The following GREB1 variants were observed in gnomAD, a reference collection of about 807,000 sequenced individuals.
GREB1 encodes the protein protein GREB1.
GREB1 carries 106 observed loss-of-function variants against 200.7 expected under a neutral mutation model. The ratio of observed to expected loss-of-function variants is 0.53; its 90% confidence interval spans 0.45 to 0.62. The LOEUF is 0.62. Ranked by LOEUF, GREB1 falls within the 20% of genes least tolerant of loss-of-function variation. The pLI is 0.00. For synonymous variants in GREB1, 1,132 were observed against 1,092.4 expected (o/e 1.04, Z -0.72); for missense variants, 2,243 against 2,556.8 (o/e 0.88, Z 2.65).
intron 1 of GREB1, among the ~76,000 whole-genome samples, chr2:11,555,973 G>C (rs533274341): frequency 6.6e-6 from 1 of 152,250 alleles, no homozygotes; most frequent in South Asian, 2.1e-4. Flanking sequence ...AAATGTCAGT[G>C]ATTTTCCTCG....
intron 1 of GREB1, among the ~76,000 whole-genome samples, chr2:11,506,345 G>A (rs191738219): frequency 6.6e-6 from 1 of 152,304 alleles, no homozygotes; most frequent in East Asian, 1.9e-4. Flanking sequence ...TGGGCTTGTG[G>A]CCATAGCCTG....
intron 23 of GREB1, 142 bp from the exon 24 acceptor site, chr2:11,625,012 T>C (rs1684325749): frequency 1.4e-6 from 1 of 694,960 alleles, no homozygotes; most frequent in African/African-American, 1.8e-5. Flanking sequence ...TGTGTGTAAG[T>C]GCACTCTAGG....
At chr2:11,594,414 G>A (rs1330438096) in intron 11 of GREB1, among the ~76,000 whole-genome samples, 1 of 150,746 alleles carries the variant, frequency 6.6e-6, no homozygotes, top group Admixed American at 6.6e-5. Context: ...GAATGCAGTG[G>A]TGCAGTCTCA....
intron 4 of GREB1, among the ~76,000 whole-genome samples, chr2:11,571,223 G>C (rs556346593): frequency 6.6e-6 from 1 of 152,212 alleles, no homozygotes; most frequent in East Asian, 1.9e-4. Context: ...GGCACGGGGA[G>C]GGTGGTCATT....
At chr2:11,617,197 G>A (rs1442794795) in intron 21 of GREB1, among the ~76,000 whole-genome samples, 1 of 152,220 alleles carries the variant, frequency 6.6e-6, no homozygotes, top group Non-Finnish European at 1.5e-5. Flanking sequence ...CAGCGGGTGG[G>A]CAGTGCCAAC....
At chr2:11,498,862 G>A (rs1672956056) in intron 1 of GREB1, among the ~76,000 whole-genome samples, 2 of 152,208 alleles carry the variant, frequency 1.3e-5, no homozygotes, top group Admixed American at 1.3e-4. Context: ...CAGCCCCTGT[G>A]ACATCTCTCC....
intron 1 of GREB1, among the ~76,000 whole-genome samples, chr2:11,539,007 CCTTCTCCTCCCT>C: frequency 1.0e-5 from 1 of 96,786 alleles, no homozygotes; most frequent in Non-Finnish European, 2.0e-5. Context: ...CTCCTTTCTC[CCTTCTCCTCCCT>C]TCTCTTCTCT....
At chr2:11,551,763 G>T (rs9784026) in intron 1 of GREB1, among the ~76,000 whole-genome samples, 11,526 of 152,148 alleles carry the variant, frequency 0.076, 441 homozygotes, top group Middle Eastern at 0.099. Context: ...TTCGATTCCC[G>T]GTCATGGAAC....
At chr2:11,639,232 G>A (rs1038146606) in intron 32 of GREB1, among the ~76,000 whole-genome samples, 2 of 152,190 alleles carry the variant, frequency 1.3e-5, no homozygotes, top group African/African-American at 2.4e-5. Context: ...TGGGATTACA[G>A]GTGCCCGCCA....
chr2:11,601,834 A>C (rs1681812028), intron 16 of GREB1, among the ~76,000 whole-genome samples: 1 of 152,258 alleles, frequency 6.6e-6, no homozygotes, highest in Non-Finnish European at 1.5e-5. Flanking sequence ...CACTTGGCTC[A>C]GGCCAGGCAG....
chr2:11,638,865 T>G (rs1572239478), intron 32 of GREB1, 56 bp downstream of exon 32: 1 of 1,571,820 alleles, frequency 6.4e-7, no homozygotes, highest in Non-Finnish European at 8.7e-7. Context: ...AGTCACCGGG[T>G]ACCCTGAGGA....
intron 1 of GREB1, among the ~76,000 whole-genome samples, chr2:11,540,359 A>G (rs1289298817): frequency 1.3e-5 from 2 of 152,178 alleles, no homozygotes; most frequent in African/African-American, 4.8e-5. Context: ...ATGATAGGCT[A>G]AGGAGATTCA....
At position 11,607,636 on chromosome 2, in the gene GREB1, A is replaced by ACATATC. The variant is rs70955808; in HGVS notation, c.2667-3052_2667-3051insCATATC. Among the ~76,000 whole-genome samples the ACATATC allele has an allele frequency of 2.7e-5, 4 of 147,856 alleles. 1 individual carries two copies. The highest frequency in any genetic ancestry group is 4.2e-4 in the South Asian group (2 of 4,734). On this transcript the variant is annotated intron_variant, in intron 17 of 32. Coordinates refer to ENST00000381486, the MANE Select transcript of GREB1 (RefSeq NM_014668.4). Reference sequence around the variant, plus strand: ...CACATATATGCATATATATACATATATATATATTTATCTTAGAAAAGCACA... The same window carrying ACATATC: ...CACATATATGCATATATATACATATACATATCTATATATTTATCTTAGAAAAGCACA...
intron 15 of GREB1, among the ~76,000 whole-genome samples, chr2:11,600,535 A>G (rs1280041521): frequency 6.6e-6 from 1 of 152,188 alleles, no homozygotes; most frequent in Non-Finnish European, 1.5e-5. Flanking sequence ...TTGGGATAGA[A>G]GGAGTGTGTG....
At chr2:11,536,918 A>T (rs973730563) in intron 1 of GREB1, among the ~76,000 whole-genome samples, 1 of 144,426 alleles carries the variant, frequency 6.9e-6, no homozygotes, top group African/African-American at 2.8e-5. Context: ...AGCATGTTTT[A>T]AAAAACCTTG....
At chr2:11,602,643 C>T in intron 17 of GREB1, 101 bp downstream of exon 17, 3 of 954,056 alleles carry the variant, frequency 3.1e-6, no homozygotes, top group Non-Finnish European at 5.0e-6. Context: ...GGAGGCCTTT[C>T]CTTCCTGAGC....
intron 17 of GREB1, among the ~76,000 whole-genome samples, chr2:11,605,141 CTTCTTTTTTTTTTTTT>C (rs1462664590): frequency 9.9e-5 from 4 of 40,608 alleles, no homozygotes; most frequent in Non-Finnish European, 2.2e-4. Context: ...CCAGAGCCTG[CTTCTTTTTTTTTTTTT>C]TTTTTTTTTT....
chr2:11,539,654 A>C (rs1674577005), intron 1 of GREB1, among the ~76,000 whole-genome samples: 1 of 152,236 alleles, frequency 6.6e-6, no homozygotes, highest in African/African-American at 2.4e-5. Context: ...GTGGTTAGAC[A>C]GATTGGTATG....
At chr2:11,552,509 G>C (rs1056455175) in intron 1 of GREB1, among the ~76,000 whole-genome samples, 1 of 152,178 alleles carries the variant, frequency 6.6e-6, no homozygotes, top group Admixed American at 6.5e-5. Flanking sequence ...TTCCCTGTCT[G>C]GGTCTTTAGT....
Sources: allele counts gnomAD v4.1 joint callset (sites outside exome capture counted in the v4.1 genomes callset), GRCh38; gene constraint gnomAD v4.1.1; transcripts MANE v1.5; gene names NCBI Gene and HGNC (gene_info 2026-07-23, HGNC 2026-07-21).